The following FER variants were observed in gnomAD, a reference collection of about 807,000 sequenced individuals.
FER encodes the protein tyrosine-protein kinase Fer.
In FER, 63 loss-of-function variants were observed where a neutral mutation model predicts 111.0. The observed-to-expected ratio is 0.57, with a 90% confidence interval of 0.46 to 0.70. FER has a LOEUF of 0.70. FER is among the 30% of genes least tolerant of loss of function. The pLI is 0.00. For synonymous variants in FER, 327 were observed against 313.9 expected (o/e 1.04, Z -0.44); for missense variants, 914 against 954.0 (o/e 0.96, Z 0.55).
chr5:109,159,051 T>A lies in FER; in HGVS notation c.2049-21696T>A, dbSNP rs559647279. Among the ~76,000 whole-genome samples the A allele has an allele frequency of 8.9e-4, 136 of 152,284 alleles. 2 individuals are homozygous for A. The highest frequency in any genetic ancestry group is 2.3e-3 in the African/African-American group (96 of 41,574). ...ATATAGTATGTTTAATCACATTTTT[T>A]AAAAATAAACTGCTGAGCAAACTTT... On this transcript the variant is annotated intron_variant, in intron 17 of 19. Transcript: ENST00000281092.
Position 108,798,238 on chromosome 5 carries a change from A to G in FER, c.56A>G (p.Asp19Gly). Residue 19 changes from aspartate to glycine, a missense_variant, in exon 3 of 20, where the codon GAC (aspartate) becomes GGC (glycine). Asp to Gly is a moderately conservative substitution (Grantham distance 94). Transcript: ENST00000281092. ...CATGAAGCAGTGTTAAAATTGCAAG[A>G]CTGGGAATTACGGTTACTGGAAACA... ...NSHEAVLKLQ[D>G]WELRLLETVK... The G allele has an allele frequency of 6.2e-7, 1 of 1,614,112 alleles. No homozygotes were observed. The highest frequency in any genetic ancestry group is 1.1e-5 in the South Asian group (1 of 91,080).
chr5:108,843,150 C>T (rs985019593), intron 5 of FER: 2 of 152,226 alleles, frequency 1.3e-5, no homozygotes, highest in Non-Finnish European at 2.9e-5. Flanking sequence ...TCCCACACAT[C>T]AGTGAGAACA....
At chr5:108,927,252 CTTTTTTTTTT>C (rs766702172) in intron 10 of FER, among the ~76,000 whole-genome samples, 1 of 95,254 alleles carries the variant, frequency 1.0e-5, no homozygotes, top group Non-Finnish European at 1.9e-5. Flanking sequence ...AGAAGTGGCT[CTTTTTTTTTT>C]TTTTTTTTTG....
chr5:109,014,723 A>C (rs144033225), intron 13 of FER: 1 of 151,976 alleles, frequency 6.6e-6, no homozygotes. Context: ...AACATGGAAT[A>C]TTCTTCCATT....
At chr5:109,016,442 T>G (rs1767136590) in intron 13 of FER, among the ~76,000 whole-genome samples, 1 of 152,048 alleles carries the variant, frequency 6.6e-6, no homozygotes. Context: ...ATTGAGCAAC[T>G]CCTATAAAGC....
At chr5:108,834,298 C>T (rs1044410615) in intron 4 of FER, among the ~76,000 whole-genome samples, 1 of 152,134 alleles carries the variant, frequency 6.6e-6, no homozygotes, top group African/African-American at 2.4e-5. Context: ...TGGTGGTATA[C>T]ACTTCTTGCA....
chr5:109,186,832 C>T (rs1758925860), intron 19 of FER, among the ~76,000 whole-genome samples: 1 of 152,126 alleles, frequency 6.6e-6, no homozygotes, highest in African/African-American at 2.4e-5. Context: ...AAAGAAAGCT[C>T]GTGATAAAAT....
intron 10 of FER, among the ~76,000 whole-genome samples, chr5:108,940,908 T>C (rs1460082760): frequency 6.6e-6 from 1 of 152,154 alleles, no homozygotes; most frequent in African/African-American, 2.4e-5. Flanking sequence ...CTTCCCAAAC[T>C]GATTCTCTGT....
rs575537433 is a variant in FER, at chr5:109,034,748, C to CG, written c.1657-2674_1657-2673insG. 2.6e-3 allele frequency among the ~76,000 whole-genome samples: 403 copies of CG among 152,090 alleles called. 2 individuals are homozygous for CG. The highest frequency in any genetic ancestry group is 9.2e-3 in the African/African-American group (380 of 41,502). On this transcript the variant is annotated intron_variant, in intron 13 of 19. Transcript: ENST00000281092. ...TGGTTTGCACTACAAGGATTGGGCT[C>CG]AACTGCCTAGGTTATCATTGTCTAA... is the stretch of plus-strand genomic sequence containing the variant.
intron 1 of FER, among the ~76,000 whole-genome samples, chr5:108,751,376 C>T (rs1750490870): frequency 6.6e-6 from 1 of 152,076 alleles, no homozygotes; most frequent in Non-Finnish European, 1.5e-5. Flanking sequence ...TCAAAGCAAT[C>T]TTGTGAGTGA....
chr5:109,125,045 C>CAA lies in FER; in HGVS notation c.2048+24544_2048+24545dup, dbSNP rs373849561. ...TGGGCGACAGAGTGAGACTCTGTCT[C>CAA]AAAAAAAAAAAAAAAAAAAGAAGAA... is the stretch of plus-strand genomic sequence containing the variant. On this transcript the variant is annotated intron_variant, in intron 17 of 19. Transcript: ENST00000281092. Among the ~76,000 whole-genome samples, 209 of 75,580 alleles carry CAA rather than the reference C, an allele frequency of 2.8e-3. 2 individuals carry two copies. The highest frequency in any genetic ancestry group is 8.4e-3 in the African/African-American group (193 of 23,098). 49.6% of individuals were successfully genotyped at this position (75,580 alleles called of 152,430 possible). A position where few individuals can be genotyped will look rare whatever the true frequency, so the allele number is the denominator to read the frequency against.
rs78893584 is a variant in FER, at chr5:109,134,651, G to A, written c.2048+34132G>A. Among the ~76,000 whole-genome samples, 518 of 152,184 alleles carry A rather than the reference G, an allele frequency of 3.4e-3. 5 individuals are homozygous for A. The East Asian group carries it at 0.049, about 14-fold the overall frequency. On this transcript the variant is annotated intron_variant, in intron 17 of 19. Transcript: ENST00000281092. ...ATTGTGCTTCCATTAAGAGCAGTTC[G>A]GCCAAGGAACTCTGCTCGACACTAA...
intron 2 of FER, among the ~76,000 whole-genome samples, chr5:108,793,007 T>G: frequency 6.6e-6 from 1 of 152,192 alleles, no homozygotes; most frequent in East Asian, 1.9e-4. Flanking sequence ...CATTTATCCT[T>G]TGTGTCACAA....
chr5:109,143,713 GTTTTGTTTTT>G (rs1219375233), intron 17 of FER, among the ~76,000 whole-genome samples: 4 of 150,354 alleles, frequency 2.7e-5, no homozygotes, highest in East Asian at 1.9e-4. Context: ...GTTTTGTTTT[GTTTTGTTTTT>G]TTTTGAAAGT....
chr5:109,196,841 A>G lies in FER; in HGVS notation c.*9266A>G, dbSNP rs923141054. 1 of 152,058 alleles carries G rather than the reference A, an allele frequency of 6.6e-6. No homozygotes were observed. Among genetic ancestry groups the G allele is most frequent in the Admixed American group, 6.5e-5 (1 of 15,268 alleles). The allele number at this position is 152,058 out of a possible 1,614,324, so 9.4% of individuals were successfully genotyped here. The stretch of plus-strand genomic sequence containing the variant: ...AATAAATGTAAAATATTTGTAGCAA[A>G]CTGTGCCTTGTCTTATTTAATCTTT... On this transcript the variant is annotated 3_prime_UTR_variant, in exon 20 of 20. Coordinates refer to ENST00000281092, the MANE Select transcript of FER (RefSeq NM_005246.4).
intron 16 of FER, among the ~76,000 whole-genome samples, chr5:109,092,919 T>C (rs1474373744): frequency 6.6e-6 from 1 of 152,182 alleles, no homozygotes; most frequent in African/African-American, 2.4e-5. Flanking sequence ...TGGAATATTA[T>C]TCAGCCTTAA....
chr5:108,874,062 C>G (rs1764863238), intron 8 of FER, among the ~76,000 whole-genome samples: 1 of 152,108 alleles, frequency 6.6e-6, no homozygotes, highest in Non-Finnish European at 1.5e-5. Context: ...ATTTATTCAT[C>G]TGATATATTT....
intron 9 of FER, chr5:108,894,592 G>A: frequency 5.2e-6 from 2 of 385,216 alleles, no homozygotes; most frequent in South Asian, 2.4e-5. Flanking sequence ...ACGACCACAT[G>A]CTTGCCCTCA....
intron 13 of FER, among the ~76,000 whole-genome samples, chr5:108,984,192 A>G (rs1439761649): frequency 6.6e-6 from 1 of 152,106 alleles, no homozygotes. Flanking sequence ...GTTTTCCCAG[A>G]ATCCTGTCTT....
Sources: allele counts gnomAD v4.1 joint callset (sites outside exome capture counted in the v4.1 genomes callset), GRCh38; gene constraint gnomAD v4.1.1; transcripts MANE v1.5; gene names NCBI Gene and HGNC (gene_info 2026-07-23, HGNC 2026-07-21).